Variants in IGF1 observed in about 807,000 individuals in gnomAD.
IGF1 encodes the protein insulin like growth factor 1.
Under a neutral mutation model 13.8 loss-of-function variants are expected in IGF1, and 4 were observed. The ratio of observed to expected loss-of-function variants is 0.29; its 90% CI spans 0.14 to 0.66. The LOEUF is 0.66. Among genes scored for constraint, IGF1 ranks in the 30% least tolerant of loss-of-function variants. The probability of loss-of-function intolerance (pLI) is 0.78; values close to 1 mark genes in which losing one functional copy is unlikely to be tolerated. For synonymous variants in IGF1, 76 were observed against 72.6 expected (o/e 1.05, Z -0.23); for missense variants, 124 against 188.5 (o/e 0.66, Z 2.00).
At chr12:102,473,251 C>A (rs867584620) in intron 2 of IGF1, among the ~76,000 whole-genome samples, 3 of 152,154 alleles carry the variant, frequency 2.0e-5, no homozygotes, top group Admixed American at 6.5e-5. Context: ...GGTTATTTTT[C>A]TCTTATGACA....
At chr12:102,479,366 C>T (rs746191728) in intron 1 of IGF1, among the ~76,000 whole-genome samples, 2 of 152,054 alleles carry the variant, frequency 1.3e-5, no homozygotes, top group Non-Finnish European at 1.5e-5. Flanking sequence ...GCAATTGAAT[C>T]GGTGGAGCCA....
intron 2 of IGF1, among the ~76,000 whole-genome samples, chr12:102,427,768 C>T (rs1483805563): frequency 6.6e-6 from 1 of 152,158 alleles, no homozygotes; most frequent in African/African-American, 2.4e-5. Flanking sequence ...AGAAACAGCT[C>T]TTGGCACTGT....
intron 2 of IGF1, among the ~76,000 whole-genome samples, chr12:102,472,356 T>TG (rs1880741768): frequency 6.7e-6 from 1 of 148,334 alleles, no homozygotes; most frequent in African/African-American, 2.5e-5. Context: ...TTCACATCAT[T>TG]GGGTCAATCT....
At chr12:102,441,961 T>TCTTCTTCTTC (rs1592786145) in intron 2 of IGF1, among the ~76,000 whole-genome samples, 6 of 14,008 alleles carry the variant, frequency 4.3e-4, no homozygotes, top group East Asian at 8.1e-3. Flanking sequence ...TCTTCTTTTT[T>TCTTCTTCTTC]TTTTTTGAGA....
At chr12:102,468,162 A>C (rs1011392532) in intron 2 of IGF1, among the ~76,000 whole-genome samples, 5 of 151,836 alleles carry the variant, frequency 3.3e-5, no homozygotes, top group Non-Finnish European at 5.9e-5. Flanking sequence ...TTTTTTTGGC[A>C]TGGAAATCTT....
upstream of IGF1, among the ~76,000 whole-genome samples, chr12:102,481,341 TC>T (rs1018282170): frequency 2.1e-5 from 3 of 143,610 alleles, no homozygotes; most frequent in South Asian, 2.3e-4. Context: ...TCCATATAAC[TC>T]AAACCTGTGT....
At chr12:102,439,748 A>G (rs1380078656) in intron 2 of IGF1, among the ~76,000 whole-genome samples, 2 of 150,874 alleles carry the variant, frequency 1.3e-5, no homozygotes, top group Admixed American at 6.6e-5. Flanking sequence ...AACTGGGTGG[A>G]AAATGAAGTT....
chr12:102,409,686 T>C (rs1874467700), intron 3 of IGF1, among the ~76,000 whole-genome samples: 1 of 152,114 alleles, frequency 6.6e-6, no homozygotes, highest in African/African-American at 2.4e-5. Flanking sequence ...TGGATTCTGC[T>C]TGACCGCTTG....
intron 2 of IGF1, among the ~76,000 whole-genome samples, chr12:102,454,330 A>T (rs570617602): frequency 6.6e-6 from 1 of 152,312 alleles, no homozygotes; most frequent in East Asian, 1.9e-4. Flanking sequence ...CATGGCTACT[A>T]CCAACCCTCC....
At chr12:102,479,768 C>G (rs1423025532) in intron 1 of IGF1, among the ~76,000 whole-genome samples, 1 of 152,196 alleles carries the variant, frequency 6.6e-6, no homozygotes, top group African/African-American at 2.4e-5. Flanking sequence ...AACACTCTCT[C>G]TGGGCATAAG....
At chr12:102,443,905 C>T (rs1238864727) in intron 2 of IGF1, among the ~76,000 whole-genome samples, 1 of 152,050 alleles carries the variant, frequency 6.6e-6, no homozygotes, top group Non-Finnish European at 1.5e-5. Flanking sequence ...TGGCTAACTG[C>T]AACCTCTGCC....
At chr12:102,469,981 C>T (rs929297136) in intron 2 of IGF1, among the ~76,000 whole-genome samples, 1 of 151,932 alleles carries the variant, frequency 6.6e-6, no homozygotes, top group African/African-American at 2.4e-5. Flanking sequence ...AATCAGCTGC[C>T]GCCAAGGAGA....
intron 3 of IGF1, among the ~76,000 whole-genome samples, chr12:102,418,568 A>T (rs759921972): frequency 2.0e-5 from 3 of 152,178 alleles, no homozygotes; most frequent in Non-Finnish European, 2.9e-5. Flanking sequence ...TTCTTTTTTC[A>T]ACAGAGTCCC....
intron 2 of IGF1, 139 bp from the exon 3 acceptor site, chr12:102,419,829 A>G (rs1875541383): frequency 8.9e-6 from 7 of 786,142 alleles, no homozygotes; most frequent in Middle Eastern, 2.7e-4. Context: ...AACTTCCCCA[A>G]TGATTCCTGA....
intron 2 of IGF1, among the ~76,000 whole-genome samples, chr12:102,433,065 T>A (rs569973232): frequency 2.0e-5 from 3 of 152,328 alleles, no homozygotes; most frequent in African/African-American, 7.2e-5. Flanking sequence ...GTGCTCCTTC[T>A]GAACTCAGGT....
intron 2 of IGF1, among the ~76,000 whole-genome samples, chr12:102,437,744 A>T (rs1877370391): frequency 6.6e-6 from 1 of 152,210 alleles, no homozygotes; most frequent in South Asian, 2.1e-4. Context: ...CGTATTGTAT[A>T]TTTCAAAATA....
At chr12:102,466,212 C>G (rs905589465) in intron 2 of IGF1, among the ~76,000 whole-genome samples, 1 of 152,198 alleles carries the variant, frequency 6.6e-6, no homozygotes, top group Non-Finnish European at 1.5e-5. Context: ...TGACTCTTCT[C>G]ATGGCTTGCT....
intron 2 of IGF1, among the ~76,000 whole-genome samples, chr12:102,471,784 C>G (rs1237375879): frequency 6.6e-6 from 1 of 151,920 alleles, no homozygotes; most frequent in Non-Finnish European, 1.5e-5. Context: ...ACCCCAGAAA[C>G]TCTCTTTCTT....
chr12:102,403,356 A>G (rs1356723488), intron 3 of IGF1, among the ~76,000 whole-genome samples: 1 of 152,164 alleles, frequency 6.6e-6, no homozygotes, highest in Admixed American at 6.5e-5. Context: ...TAGTATTGTC[A>G]TCTTTATTGG....
Sources: gnomAD v4.1 joint callset for allele counts (sites outside exome capture counted in the v4.1 genomes callset) on GRCh38, gnomAD v4.1.1 for gene constraint, MANE v1.5 for transcripts, NCBI Gene and HGNC (gene_info 2026-07-23, HGNC 2026-07-21) for gene names.